NF1: variants seen among roughly 807,000 people sequenced by gnomAD.
NF1 encodes neurofibromin.
A neutral mutation model predicts 325.7 loss-of-function variants in NF1; 122 were observed. The ratio of observed to expected loss-of-function variants is 0.37; its 90% CI spans 0.32 to 0.44. NF1 has a LOEUF of 0.44. Among genes scored for constraint, NF1 ranks in the 20% least tolerant of loss-of-function variants. NF1 has a pLI of 1.00. For missense variants in NF1, 2,140 were observed against 3,415.4 expected (o/e 0.63, Z 9.31); for synonymous variants, 1,091 against 1,186.0 (o/e 0.92, Z 1.65).
chr17:31,324,140 T>C (rs1235499686), intron 36 of NF1, among the ~76,000 whole-genome samples: 2 of 152,212 alleles, frequency 1.3e-5, no homozygotes, highest in Non-Finnish European at 1.5e-5. Flanking sequence ...CAATCTCAGC[T>C]CACTGCAAAC....
intron 36 of NF1, chr17:31,295,698 C>G: frequency 6.2e-7 from 1 of 1,614,028 alleles, no homozygotes; most frequent in South Asian, 1.1e-5. Context: ...AAGAGTTGGT[C>G]AAAAGATTGG....
intron 36 of NF1, among the ~76,000 whole-genome samples, chr17:31,288,049 T>C (rs557035825): frequency 6.6e-6 from 1 of 151,752 alleles, no homozygotes; most frequent in African/African-American, 2.4e-5. Flanking sequence ...ACCTACACAT[T>C]GTGCACATGT....
At chr17:31,228,360 G>C (rs931774095) in intron 20 of NF1, among the ~76,000 whole-genome samples, 1 of 152,066 alleles carries the variant, frequency 6.6e-6, no homozygotes, top group East Asian at 1.9e-4. Context: ...ATATTTTTAC[G>C]AAGCAAATGT....
intron 14 of NF1, among the ~76,000 whole-genome samples, chr17:31,220,203 C>T (rs2066897969): frequency 6.6e-6 from 1 of 152,132 alleles, no homozygotes; most frequent in Non-Finnish European, 1.5e-5. Context: ...GCTAACACTT[C>T]TTATAATGTG....
chr17:31,121,394 T>TC (rs1914416366), intron 1 of NF1, among the ~76,000 whole-genome samples: 2 of 131,078 alleles, frequency 1.5e-5, no homozygotes, highest in South Asian at 5.0e-4. Context: ...AAATCACTAT[T>TC]CTTTTTTTTT....
At chr17:31,098,556 T>C (rs981241838) in intron 1 of NF1, among the ~76,000 whole-genome samples, 1 of 152,084 alleles carries the variant, frequency 6.6e-6, no homozygotes, top group Non-Finnish European at 1.5e-5. Flanking sequence ...AGTAGAGTGC[T>C]GAGATTACAG....
intron 19 of NF1, 106 bp downstream of exon 19, chr17:31,227,397 A>G: frequency 2.1e-6 from 3 of 1,421,184 alleles, no homozygotes; most frequent in East Asian, 2.3e-5. Context: ...TAAATCCAAG[A>G]TACGTGCATA....
rs17883389 is a variant in NF1, at chr17:31,235,276, C to A, written c.3709-335C>A. 5.6e-3 allele frequency among the ~76,000 whole-genome samples: 854 copies of A among 152,294 alleles called. 6 individuals carry two copies. The highest frequency in any genetic ancestry group is 0.02 in the African/African-American group (816 of 41,580). ...ATGCTTGTACAAATCAAACTAAATT[C>A]TTTGCTGTCATCTTCTGTTTCTGCT... On this transcript the variant is annotated intron_variant, in intron 27 of 57. Transcript: ENST00000358273.
At chr17:31,292,735 G>A (rs2068366707) in intron 36 of NF1, among the ~76,000 whole-genome samples, 1 of 152,166 alleles carries the variant, frequency 6.6e-6, no homozygotes. Flanking sequence ...TCTGCATTTT[G>A]CAGACATGTC....
At chr17:31,234,072 T>C (rs2067159453) in intron 27 of NF1, among the ~76,000 whole-genome samples, 1 of 152,206 alleles carries the variant, frequency 6.6e-6, no homozygotes, top group African/African-American at 2.4e-5. Flanking sequence ...TGCCACCACC[T>C]GAAATGCTTC....
intron 36 of NF1, among the ~76,000 whole-genome samples, chr17:31,308,866 C>G (rs1002343850): frequency 2.0e-5 from 3 of 152,212 alleles, no homozygotes; most frequent in Admixed American, 2.0e-4. Flanking sequence ...CACTTCTATT[C>G]TCTTAAGTAA....
In NF1 at chr17:31,176,021, C is replaced by T. The variant is rs575862045; in HGVS notation, c.587-5401C>T. Reference sequence around the variant, plus strand: ...TCTTTATAGCAGAATGATTTGTAATCCTTTGGGTATATACCCAGTAATGGG... The same window carrying T: ...TCTTTATAGCAGAATGATTTGTAATTCTTTGGGTATATACCCAGTAATGGG... On this transcript the variant is annotated intron_variant, in intron 5 of 57. Transcript: ENST00000358273. 3.3e-5 allele frequency among the ~76,000 whole-genome samples: 5 copies of T among 152,266 alleles called. No homozygotes were observed. In the South Asian group the frequency reaches 1.0e-3, roughly 32 times the overall value.
chr17:31,245,451 A>G (rs1397064609), intron 29 of NF1, among the ~76,000 whole-genome samples: 2 of 152,202 alleles, frequency 1.3e-5, no homozygotes, highest in African/African-American at 4.8e-5. Context: ...GATTTCCCAT[A>G]GGATAAGGGC....
At chr17:31,257,846 A>AT (rs2067610189) in intron 31 of NF1, 1 of 152,076 alleles carries the variant, frequency 6.6e-6, no homozygotes, top group Non-Finnish European at 1.5e-5. Context: ...TATGGCAAGC[A>AT]TTTTTTTCTT....
intron 1 of NF1, among the ~76,000 whole-genome samples, chr17:31,099,748 C>T (rs1476589904): frequency 2.0e-5 from 3 of 151,740 alleles, no homozygotes; most frequent in Non-Finnish European, 4.4e-5. Flanking sequence ...TTAGTAGAGA[C>T]GGGGGTTTCA....
At chr17:31,349,617 T>C (rs2070089758) in intron 49 of NF1, among the ~76,000 whole-genome samples, 1 of 152,136 alleles carries the variant, frequency 6.6e-6, no homozygotes, top group Non-Finnish European at 1.5e-5. Context: ...TTATTACCAC[T>C]CCAAATGGAT....
At chr17:31,137,700 C>T (rs937587553) in intron 1 of NF1, 7 of 151,574 alleles carry the variant, frequency 4.6e-5, no homozygotes, top group African/African-American at 1.7e-4. Context: ...TTACAACACA[C>T]CTTCCACTAG....
At chr17:31,295,029 C>T in intron 36 of NF1, 8 of 1,614,102 alleles carry the variant, frequency 5.0e-6, no homozygotes, top group Non-Finnish European at 6.8e-6. Flanking sequence ...AGCATGACCA[C>T]AACATTGAGC....
At chr17:31,111,179 G>A (rs1913382203) in intron 1 of NF1, among the ~76,000 whole-genome samples, 1 of 151,118 alleles carries the variant, frequency 6.6e-6, no homozygotes, top group Non-Finnish European at 1.5e-5. Flanking sequence ...GAGAGCTTGT[G>A]GACAGATCAA....
Sources: gnomAD v4.1 joint callset for allele counts (sites outside exome capture counted in the v4.1 genomes callset) on GRCh38, gnomAD v4.1.1 for gene constraint, MANE v1.5 for transcripts, NCBI Gene and HGNC (gene_info 2026-07-23, HGNC 2026-07-21) for gene names.